Variants in FMN2 observed in about 807,000 individuals in gnomAD.
FMN2 encodes formin-2.
FMN2 carries 51 observed loss-of-function variants against 142.3 expected under a neutral mutation model. That is an observed-to-expected ratio of 0.36 (90% CI 0.29 to 0.45). FMN2 has a LOEUF of 0.45. FMN2 is among the 20% of genes least tolerant of loss of function. The pLI is 1.00. For synonymous variants in FMN2, 882 were observed against 869.8 expected (o/e 1.01, Z -0.25); for missense variants, 1,936 against 2,122.8 (o/e 0.91, Z 1.73).
intron 15 of FMN2, among the ~76,000 whole-genome samples, chr1:240,419,319 C>T (rs75386000): frequency 0.012 from 1,834 of 152,100 alleles, 43 homozygotes; most frequent in African/African-American, 0.04. Context: ...TTGTACTTTG[C>T]CTTATGTTAA....
chr1:240,229,701 C>CATCGTCT (rs1383750077), intron 6 of FMN2, among the ~76,000 whole-genome samples: 2 of 74,708 alleles, frequency 2.7e-5, no homozygotes, highest in African/African-American at 7.9e-5. Flanking sequence ...ACTGGAGTGC[C>CATCGTCT]AGTGGCATGA....
intron 2 of FMN2, among the ~76,000 whole-genome samples, chr1:240,150,148 A>G (rs1293128548): frequency 3.3e-5 from 5 of 152,356 alleles, no homozygotes; most frequent in African/African-American, 1.2e-4. Context: ...TCCTTTAGCT[A>G]AATGATTAAC....
intron 13 of FMN2, among the ~76,000 whole-genome samples, chr1:240,341,713 A>G (rs1180108013): frequency 1.3e-5 from 2 of 152,110 alleles, no homozygotes; most frequent in East Asian, 1.9e-4. Flanking sequence ...TTTTTTTTCA[A>G]TTGCTTTAAC....
chr1:240,218,736 T>C (rs533294850), intron 6 of FMN2, among the ~76,000 whole-genome samples: 69 of 152,172 alleles, frequency 4.5e-4, no homozygotes, highest in African/African-American at 1.6e-3. Flanking sequence ...GACAGCACAG[T>C]TGATCCATTT....
intron 14 of FMN2, among the ~76,000 whole-genome samples, chr1:240,360,901 C>T (rs972039573): frequency 1.3e-5 from 2 of 151,160 alleles, no homozygotes; most frequent in African/African-American, 4.9e-5. Context: ...TGTTCTCACT[C>T]ATAGGTGGAA....
chr1:240,450,173 TAAATG>T (rs956601392), intron 16 of FMN2, among the ~76,000 whole-genome samples: 1 of 152,108 alleles, frequency 6.6e-6, no homozygotes, highest in African/African-American at 2.4e-5. Flanking sequence ...CAGAGCCAAA[TAAATG>T]AAAACAGCAT....
intron 2 of FMN2, among the ~76,000 whole-genome samples, chr1:240,169,006 AT>A: frequency 6.6e-6 from 1 of 152,232 alleles, no homozygotes; most frequent in African/African-American, 2.4e-5. Flanking sequence ...AGGTCAAGAG[AT>A]CGAGATCATC....
chr1:240,117,800 T>TAGA (rs1202944057), intron 1 of FMN2, among the ~76,000 whole-genome samples: 4 of 152,112 alleles, frequency 2.6e-5, no homozygotes, highest in African/African-American at 9.7e-5. Context: ...AGGTCCTGAG[T>TAGA]AGAAGGTGGT....
intron 15 of FMN2, among the ~76,000 whole-genome samples, chr1:240,428,811 T>C (rs1675042857): frequency 6.6e-6 from 1 of 152,216 alleles, no homozygotes; most frequent in Admixed American, 6.5e-5. Flanking sequence ...CTATTATTAC[T>C]GTGTTGTATA....
chr1:240,449,094 A>G (rs926425162), intron 16 of FMN2, among the ~76,000 whole-genome samples: 3 of 151,640 alleles, frequency 2.0e-5, no homozygotes, highest in African/African-American at 7.3e-5. Flanking sequence ...GCAAACAGAG[A>G]TAGTTCCGCT....
chr1:240,096,263 A>G (rs1661192334), intron 1 of FMN2, among the ~76,000 whole-genome samples: 1 of 152,210 alleles, frequency 6.6e-6, no homozygotes, highest in Non-Finnish European at 1.5e-5. Flanking sequence ...AAATGTGATC[A>G]GATTTAGGGC....
chr1:240,333,929 C>T lies in FMN2; in HGVS notation c.4627C>T (p.Leu1543Phe). The change falls in exon 12 of 18, where the codon CTC (leucine) becomes TTC (phenylalanine). Residue 1543 changes from leucine to phenylalanine, a missense_variant. Transcript: ENST00000319653. ...TTTGTCATATATTGTTTCGTATTAT[C>T]TCCGAAATTTTGATGAGGTAAGACA... Reference protein sequence around the residue: ...SLLSYIVSYYLRNFDEDAGKE... With the variant: ...SLLSYIVSYYFRNFDEDAGKE... 1 of 1,610,098 alleles carries T rather than the reference C, an allele frequency of 6.2e-7. No individual in the cohort carries two copies. Among genetic ancestry groups the T allele is most frequent in the Non-Finnish European group, 8.5e-7 (1 of 1,178,362 alleles).
chr1:240,328,531 G>A (rs1671271104), intron 8 of FMN2, among the ~76,000 whole-genome samples: 1 of 150,874 alleles, frequency 6.6e-6, no homozygotes, highest in Non-Finnish European at 1.5e-5. Flanking sequence ...GGGATAATCT[G>A]GTTTGCATTA....
chr1:240,254,654 T>C (rs1668392329), intron 6 of FMN2, among the ~76,000 whole-genome samples: 1 of 152,038 alleles, frequency 6.6e-6, no homozygotes, highest in Non-Finnish European at 1.5e-5. Flanking sequence ...GCAGCAGTTG[T>C]AAACAGGTGA....
At position 240,172,215 on chromosome 1, in the gene FMN2, C is replaced by CACACACACAA. The variant is rs1553336373; in HGVS notation, c.1783-5703_1783-5702insCACACAAACA. On this transcript the variant is annotated intron_variant, in intron 2 of 17. Transcript: ENST00000319653. ...ACACATACACATACACACACACACA[C>CACACACACAA]ACAGAAAAAGACATTTATGGATGGT... Among the ~76,000 whole-genome samples the CACACACACAA allele has an allele frequency of 3.4e-3, 518 of 152,118 alleles. 1 individual carries two copies. The highest frequency in any genetic ancestry group is 0.011 in the African/African-American group (459 of 41,454).
At chr1:240,429,873 T>G (rs553093604) in intron 15 of FMN2, among the ~76,000 whole-genome samples, 11 of 147,704 alleles carry the variant, frequency 7.4e-5, no homozygotes, top group Middle Eastern at 3.5e-3. Context: ...ATTCCTTTTT[T>G]GTTTTTTTTT....
chr1:240,414,484 A>G lies in FMN2; in HGVS notation c.4910+21922A>G, dbSNP rs981998960. On this transcript the variant is annotated intron_variant, in intron 15 of 17. Transcript: ENST00000319653. ...GTCTGCTCTGCAATCCTGGAATTCA[A>G]TTACGAAATTTTAAAGCCAAAATAA... Among the ~76,000 whole-genome samples, 8 of 152,260 alleles carry G rather than the reference A, an allele frequency of 5.3e-5. No individual in the cohort carries two copies. The East Asian group carries it at 5.8e-4, about 11-fold the overall frequency.
At chr1:240,361,015 T>G (rs767144993) in intron 14 of FMN2, among the ~76,000 whole-genome samples, 1 of 151,308 alleles carries the variant, frequency 6.6e-6, no homozygotes, top group Non-Finnish European at 1.5e-5. Flanking sequence ...AGATATACCT[T>G]ATGTAAATGA....
Position 240,093,716 on chromosome 1 carries a change from T to A in FMN2, c.1607T>A (p.Val536Glu). Reference sequence around the variant, plus strand: ...GCGGCTGCGGATGGCTTCCAGAACGTGTTCACAGGTGAGCGCGCCCTGCTG... The same window carrying A: ...GCGGCTGCGGATGGCTTCCAGAACGAGTTCACAGGTGAGCGCGCCCTGCTG... ...APAAADGFQN[V>E]FTGRTLLEKL... is the part of the protein sequence containing the mutation. Residue 536 changes from valine to glutamate, a missense_variant, in exon 1 of 18, where the codon GTG becomes GAG. This residue lies in a region of FMN2 where 751 missense variants were observed against 791.8 expected (regional missense o/e 0.95). Coordinates refer to ENST00000319653, the MANE Select transcript of FMN2 (RefSeq NM_020066.5). 7.4e-7 allele frequency: 1 copy of A among 1,353,016 alleles called. No individual in the cohort carries two copies. Among genetic ancestry groups the A allele is most frequent in the Non-Finnish European group, 9.4e-7 (1 of 1,059,294 alleles). The allele number at this position is 1,353,016 out of a possible 1,614,324, so 83.8% of individuals were successfully genotyped here. A position where few individuals can be genotyped will look rare whatever the true frequency, so the allele number is the denominator to read the frequency against.
Sources: allele counts gnomAD v4.1 joint callset (sites outside exome capture counted in the v4.1 genomes callset), GRCh38; gene constraint gnomAD v4.1.1; regional missense constraint gnomAD v4.1.1; transcripts MANE v1.5; gene names NCBI Gene and HGNC (gene_info 2026-07-23, HGNC 2026-07-21).